Variants in OSBPL9 observed in about 807,000 individuals in gnomAD.
OSBPL9 encodes oxysterol-binding protein-related protein 9.
OSBPL9 carries 40 observed loss-of-function variants against 106.6 expected under a neutral mutation model. The observed-to-expected ratio is 0.38, with a 90% confidence interval of 0.29 to 0.49. The LOEUF is 0.49. Among genes scored for constraint, OSBPL9 ranks in the 20% least tolerant of loss-of-function variants. The probability of loss-of-function intolerance (pLI) is 0.97; values close to 1 mark genes in which losing one functional copy is unlikely to be tolerated. For missense variants in OSBPL9, 609 were observed against 887.2 expected, an observed-to-expected ratio of 0.69 and a Z score of 3.98; for synonymous variants, 269 against 295.4, an observed-to-expected ratio of 0.91 and a Z score of 0.92.
At chr1:51,569,224 T>C in the OSBPL9 span, among the ~76,000 whole-genome samples, 1 of 152,310 alleles carries the variant, frequency 6.6e-6, no homozygotes, top group African/African-American at 2.4e-5. Flanking sequence ...CAGAGTACAA[T>C]GCCTTATTGT....
chr1:51,575,588 G>A (rs900011730), upstream of OSBPL9, among the ~76,000 whole-genome samples: 8 of 152,074 alleles, frequency 5.3e-5, no homozygotes, highest in African/African-American at 1.7e-4. Flanking sequence ...ACCACCCTGA[G>A]CTGGCTCTGT....
the OSBPL9 span, among the ~76,000 whole-genome samples, chr1:51,538,062 G>A: frequency 1.2e-4 from 18 of 152,122 alleles, no homozygotes; most frequent in South Asian, 4.2e-4. Flanking sequence ...AGGCCAAGAC[G>A]GGCAAATCAC....
At chr1:51,714,957 A>T (rs1397442753) in intron 4 of OSBPL9, among the ~76,000 whole-genome samples, 1 of 152,244 alleles carries the variant, frequency 6.6e-6, no homozygotes, top group South Asian at 2.1e-4. Context: ...ATGTTGGGTG[A>T]CATGCAACTA....
chr1:51,713,576 A>G lies in OSBPL9; in HGVS notation c.242-427A>G, dbSNP rs180671340. 1.9e-4 allele frequency among the ~76,000 whole-genome samples: 29 copies of G among 152,322 alleles called. No homozygotes were observed. The East Asian group carries it at 5.0e-3, about 26-fold the overall frequency. ...TTTTAAGTGCATTGTCCGGTCTGCAATTCCTCTCCTGGAATTTGCAATGCC... is the reference window on the plus strand; with the variant it reads ...TTTTAAGTGCATTGTCCGGTCTGCAGTTCCTCTCCTGGAATTTGCAATGCC... On this transcript the variant is annotated intron_variant, in intron 3 of 23. Coordinates refer to ENST00000428468, the MANE Select transcript of OSBPL9 (RefSeq NM_024586.6).
the OSBPL9 span, among the ~76,000 whole-genome samples, chr1:51,535,574 CA>C: frequency 6.6e-6 from 1 of 151,430 alleles, no homozygotes; most frequent in Non-Finnish European, 1.5e-5. Flanking sequence ...TTTTTAAAAA[CA>C]AAATAATAAT....
intron 14 of OSBPL9, among the ~76,000 whole-genome samples, chr1:51,775,881 G>C (rs972503945): frequency 9.2e-5 from 14 of 152,156 alleles, no homozygotes; most frequent in Non-Finnish European, 1.6e-4. Context: ...AAAGTGCTGG[G>C]ATTATAGGCA....
At chr1:51,693,536 G>A (rs2148831968) in intron 3 of OSBPL9, among the ~76,000 whole-genome samples, 1 of 152,276 alleles carries the variant, frequency 6.6e-6, no homozygotes. Flanking sequence ...CATATAGGAG[G>A]CGTAGTAAGG....
chr1:51,653,526 A>G (rs7415684), intron 2 of OSBPL9, among the ~76,000 whole-genome samples: 36,302 of 152,194 alleles, frequency 0.24, 5,969 homozygotes, highest in African/African-American at 0.46. Flanking sequence ...TTTGTCAGCT[A>G]TACCTGAAGC....
rs749921767 is a variant in OSBPL9 at position 51,745,643 on chromosome 1, G to C, written c.414+12G>C. 6.6e-7 allele frequency: 1 copy of C among 1,521,606 alleles called. No individual in the cohort carries two copies. The allele number at this position is 1,521,606 out of a possible 1,614,324, so 94.3% of individuals were successfully genotyped here. On this transcript the variant is annotated intron_variant, in intron 5 of 23. Coordinates refer to ENST00000428468, the MANE Select transcript of OSBPL9 (RefSeq NM_024586.6). Reference sequence around the variant, plus strand: ...TTGAACAATTAAAGGTATGGCATTAGTTTGTATATTAAATTTATATAAATA... The same window carrying C: ...TTGAACAATTAAAGGTATGGCATTACTTTGTATATTAAATTTATATAAATA...
intron 4 of OSBPL9, among the ~76,000 whole-genome samples, chr1:51,739,525 A>G (rs1034556491): frequency 1.3e-5 from 2 of 152,010 alleles, no homozygotes; most frequent in African/African-American, 4.8e-5. Flanking sequence ...TAAAGAACCT[A>G]ATTTGAAGCC....
chr1:51,562,707 T>C, the OSBPL9 span, among the ~76,000 whole-genome samples: 1 of 152,246 alleles, frequency 6.6e-6, no homozygotes, highest in Non-Finnish European at 1.5e-5. Flanking sequence ...ACCAGCTCAT[T>C]CATGAAATAA....
At chr1:51,748,490 A>G (rs1296136701) in intron 7 of OSBPL9, 92 bp downstream of exon 7, 2 of 1,274,434 alleles carry the variant, frequency 1.6e-6, no homozygotes, top group African/African-American at 1.6e-5. Flanking sequence ...GATGACAGCA[A>G]TTGAGATGTT....
chr1:51,651,617 A>C lies in OSBPL9; in HGVS notation c.112-374A>C, dbSNP rs188889742. Reference sequence around the variant, plus strand: ...GACTCCATCTCAAAACAAAACAAAAAAAAATAATTATCTGGGAGTGATTCT... The same window carrying C: ...GACTCCATCTCAAAACAAAACAAAACAAAATAATTATCTGGGAGTGATTCT... On this transcript the variant is annotated intron_variant, in intron 1 of 23. Coordinates refer to ENST00000428468, the MANE Select transcript of OSBPL9 (RefSeq NM_024586.6). Among the ~76,000 whole-genome samples the C allele has an allele frequency of 3.6e-3, 554 of 152,054 alleles. 2 individuals are homozygous for C. Among genetic ancestry groups the C allele is most frequent in the African/African-American group, 0.012 (499 of 41,458 alleles).
intron 4 of OSBPL9, among the ~76,000 whole-genome samples, chr1:51,721,747 G>A (rs1203239888): frequency 1.3e-5 from 2 of 152,108 alleles, no homozygotes; most frequent in African/African-American, 2.4e-5. Flanking sequence ...TTCATATCAT[G>A]TAGAAAAATA....
intron 15 of OSBPL9, among the ~76,000 whole-genome samples, chr1:51,780,766 A>G (rs958587410): frequency 2.0e-5 from 3 of 152,164 alleles, no homozygotes; most frequent in African/African-American, 7.2e-5. Flanking sequence ...CTCCGTCTCA[A>G]AAAGAAAGAA....
upstream of OSBPL9, chr1:51,573,824 A>G (rs1183575208): frequency 6.7e-6 from 1 of 148,774 alleles, no homozygotes; most frequent in Non-Finnish European, 1.5e-5. Context: ...AAAAAAAAAA[A>G]AAAAAGGAAA....
intron 4 of OSBPL9, among the ~76,000 whole-genome samples, chr1:51,716,251 G>A (rs1661030046): frequency 6.6e-6 from 1 of 152,134 alleles, no homozygotes; most frequent in African/African-American, 2.4e-5. Flanking sequence ...CATTTGACTG[G>A]CAAAAGATTA....
the OSBPL9 span, among the ~76,000 whole-genome samples, chr1:51,518,705 G>A: frequency 1.3e-5 from 2 of 152,154 alleles, no homozygotes; most frequent in African/African-American, 4.8e-5. Flanking sequence ...TGGGGGGCCT[G>A]CGCGTCCGGC....
chr1:51,610,883 C>T (rs917712569), intron 2 of OSBPL9, among the ~76,000 whole-genome samples: 3 of 152,152 alleles, frequency 2.0e-5, no homozygotes, highest in African/African-American at 7.2e-5. Flanking sequence ...CCTCAAAGAA[C>T]CCAAGAGATA....
Sources: gnomAD v4.1 joint callset for allele counts (sites outside exome capture counted in the v4.1 genomes callset) on GRCh38, gnomAD v4.1.1 for gene constraint, MANE v1.5 for transcripts, NCBI Gene and HGNC (gene_info 2026-07-23, HGNC 2026-07-21) for gene names.